The following UGT1A8 variants were observed in gnomAD, a reference collection of about 807,000 sequenced individuals.
UGT1A8 encodes the protein UDP glucuronosyltransferase family 1 member A8.
UGT1A8 carries 39 observed loss-of-function variants against 45.3 expected under a neutral mutation model. The ratio of observed to expected loss-of-function variants is 0.86; its 90% CI spans 0.67 to 1.12. UGT1A8 has a LOEUF of 1.12. UGT1A8 is among the 50% of genes most tolerant of loss of function. The pLI is 0.00. For synonymous variants in UGT1A8, 275 were observed against 249.2 expected, an observed-to-expected ratio of 1.10 and a Z score of -0.97; for missense variants, 719 against 664.9, an observed-to-expected ratio of 1.08 and a Z score of -0.90.
chr2:233,659,699 A>C (rs1038951505), intron 1 of UGT1A8, among the ~76,000 whole-genome samples: 1 of 152,158 alleles, frequency 6.6e-6, no homozygotes, highest in African/African-American at 2.4e-5. Flanking sequence ...TTACTGTCTG[A>C]CATTTTTGCT....
intron 1 of UGT1A8, among the ~76,000 whole-genome samples, chr2:233,679,830 A>G (rs887140374): frequency 6.6e-6 from 1 of 152,044 alleles, no homozygotes; most frequent in Non-Finnish European, 1.5e-5. Flanking sequence ...AATGACTTTA[A>G]TTTTTCTCAA....
intron 1 of UGT1A8, among the ~76,000 whole-genome samples, chr2:233,734,963 T>A (rs1419315489): frequency 6.6e-6 from 1 of 152,234 alleles, no homozygotes; most frequent in Non-Finnish European, 1.5e-5. Context: ...ATAAGTGTGA[T>A]GTGGTGCTGA....
At chr2:233,747,795 CCTAAGTTA>C (rs2125887995) in intron 1 of UGT1A8, 1 of 1,613,516 alleles carries the variant, frequency 6.2e-7, no homozygotes, top group South Asian at 1.1e-5. Context: ...CTCCTATATT[CCTAAGTTA>C]CTAACGACCA....
chr2:233,628,678 C>T (rs774320933), intron 1 of UGT1A8, among the ~76,000 whole-genome samples: 4 of 152,096 alleles, frequency 2.6e-5, no homozygotes, highest in Non-Finnish European at 4.4e-5. Context: ...CCCCTGTCCT[C>T]GGCATGTGTT....
chr2:233,756,202 C>T (rs540523452), intron 1 of UGT1A8: 9 of 152,318 alleles, frequency 5.9e-5, no homozygotes, highest in African/African-American at 1.7e-4. Flanking sequence ...AGAGTAGTCC[C>T]TGGTATTCTG....
At chr2:233,754,867 T>C (rs1330580019) in intron 1 of UGT1A8, 1 of 1,351,780 alleles carries the variant, frequency 7.4e-7, no homozygotes, top group South Asian at 1.1e-5. Context: ...GCAGACCCTC[T>C]GCTTCTGCTT....
In UGT1A8 at chr2:233,769,425, C is replaced by T; in HGVS notation, c.1295+986C>T. ...TGTGCGTGTGCGTTTGTGCATGTGGCTGTGCTCATGTGTGGGTGCACACGT... is the reference window on the plus strand; with the variant it reads ...TGTGCGTGTGCGTTTGTGCATGTGGTTGTGCTCATGTGTGGGTGCACACGT... On this transcript the variant is annotated intron_variant, in intron 4 of 4. Transcript: ENST00000373450. The surrounding 1 kb of genome is among the most constrained non-coding windows in gnomAD (Gnocchi z 4.4). The T allele has an allele frequency of 6.7e-7, 1 of 1,487,732 alleles. No homozygotes were observed. Among genetic ancestry groups the T allele is most frequent in the Non-Finnish European group, 9.3e-7 (1 of 1,075,832 alleles). 92.2% of individuals were successfully genotyped at this position (1,487,732 alleles called of 1,614,324 possible). A position where few individuals can be genotyped will look rare whatever the true frequency, so the allele number is the denominator to read the frequency against.
At chr2:233,742,236 G>A (rs571045989) in intron 1 of UGT1A8, among the ~76,000 whole-genome samples, 1 of 151,990 alleles carries the variant, frequency 6.6e-6, no homozygotes, top group African/African-American at 2.4e-5. Context: ...CCCAAACAGA[G>A]ATTTACCCAC....
intron 3 of UGT1A8, 91 bp from the exon 4 acceptor site, chr2:233,768,129 T>C: frequency 1.2e-6 from 2 of 1,606,026 alleles, no homozygotes; most frequent in East Asian, 4.5e-5. Context: ...TGAGTAACAC[T>C]GAGTCTTTGG....
chr2:233,765,261 T>C (rs1002454529), intron 1 of UGT1A8, among the ~76,000 whole-genome samples: 2 of 152,188 alleles, frequency 1.3e-5, no homozygotes, highest in Admixed American at 1.3e-4. Flanking sequence ...ACTGGGTATA[T>C]ACCCAAAGAA....
At chr2:233,648,710 C>T (rs913357253) in intron 1 of UGT1A8, 10 of 416,440 alleles carry the variant, frequency 2.4e-5, no homozygotes, top group African/African-American at 6.2e-5. Flanking sequence ...GTGATCCGCC[C>T]GCCTTGGCCT....
intron 1 of UGT1A8, among the ~76,000 whole-genome samples, chr2:233,640,201 T>C (rs2073414619): frequency 1.3e-5 from 2 of 152,222 alleles, no homozygotes; most frequent in African/African-American, 4.8e-5. Flanking sequence ...TTTTCAAAGT[T>C]TTCAAACATA....
chr2:233,672,717 T>C, intron 1 of UGT1A8: 1 of 1,613,942 alleles, frequency 6.2e-7, no homozygotes, highest in Non-Finnish European at 8.5e-7. Flanking sequence ...TTTTGGACTA[T>C]CCCAAACCCG....
intron 1 of UGT1A8, among the ~76,000 whole-genome samples, chr2:233,764,916 G>T (rs906085592): frequency 6.6e-6 from 1 of 152,212 alleles, no homozygotes; most frequent in Non-Finnish European, 1.5e-5. Flanking sequence ...GAGGACTCAC[G>T]AGGGCCTGGG....
intron 1 of UGT1A8, among the ~76,000 whole-genome samples, chr2:233,667,233 C>T (rs1295922790): frequency 1.3e-5 from 2 of 152,120 alleles, no homozygotes; most frequent in Non-Finnish European, 2.9e-5. Context: ...ACACTGACTT[C>T]CACAATGGTT....
intron 1 of UGT1A8, among the ~76,000 whole-genome samples, chr2:233,652,316 G>C (rs769097881): frequency 6.6e-6 from 1 of 152,170 alleles, no homozygotes; most frequent in African/African-American, 2.4e-5. Context: ...AGACTACAGT[G>C]TAATGAGCAC....
intron 1 of UGT1A8, among the ~76,000 whole-genome samples, chr2:233,712,135 C>T (rs953874748): frequency 2.6e-5 from 4 of 152,214 alleles, no homozygotes; most frequent in South Asian, 2.1e-4. Flanking sequence ...CTGGAGCCTT[C>T]AGCATTCAGA....
chr2:233,655,503 G>A (rs1480204434), intron 1 of UGT1A8, among the ~76,000 whole-genome samples: 3 of 152,188 alleles, frequency 2.0e-5, no homozygotes, highest in Non-Finnish European at 4.4e-5. Flanking sequence ...GCCTTAGGCT[G>A]TCATTTCCAA....
intron 1 of UGT1A8, among the ~76,000 whole-genome samples, chr2:233,759,294 C>A (rs1363540933): frequency 6.6e-6 from 1 of 152,134 alleles, no homozygotes; most frequent in Non-Finnish European, 1.5e-5. Context: ...TGAAGCTGAG[C>A]CCTGAGTGGC....
Sources: allele counts gnomAD v4.1 joint callset (sites outside exome capture counted in the v4.1 genomes callset), GRCh38; gene constraint gnomAD v4.1.1; non-coding constraint Gnocchi (gnomAD v3.1); transcripts MANE v1.5; gene names NCBI Gene and HGNC (gene_info 2026-07-23, HGNC 2026-07-21).